ERICH1: variants seen among roughly 807,000 people sequenced by gnomAD.
ERICH1 encodes the protein glutamate rich 1, also known as glutamate-rich protein 1.
In ERICH1, 56 loss-of-function variants were observed where a neutral mutation model predicts 39.6. The observed-to-expected ratio is 1.41, with a 90% CI of 1.14 to 1.77. The LOEUF is 1.77. Among genes scored for constraint, ERICH1 ranks in the 40% most tolerant of loss-of-function variants. The pLI is 0.00. For missense variants in ERICH1, 826 were observed against 575.4 expected, an observed-to-expected ratio of 1.44 and a Z score of -4.45; for synonymous variants, 313 against 223.6, an observed-to-expected ratio of 1.40 and a Z score of -3.57.
At position 664,217 on chromosome 8, in the gene ERICH1, T is replaced by C; in HGVS notation, c.*386A>G. On this transcript the variant is annotated 3_prime_UTR_variant, in exon 6 of 6. Coordinates refer to ENST00000262109, the MANE Select transcript of ERICH1 (RefSeq NM_207332.3). ...ATTCAAACTACTTAAACTAGAACAT[T>C]TTAATACCCAGAAAGCATTCTTAAA... 1 of 990,632 alleles carries C rather than the reference T, an allele frequency of 1.0e-6. No homozygotes were observed. Among genetic ancestry groups the C allele is most frequent in the South Asian group, 4.6e-5 (1 of 21,528 alleles). 61.4% of individuals were successfully genotyped at this position (990,632 alleles called of 1,614,324 possible).
intron 2 of ERICH1, among the ~76,000 whole-genome samples, chr8:711,998 CTA>C (rs1438308923): frequency 1.3e-5 from 2 of 152,198 alleles, no homozygotes; most frequent in Non-Finnish European, 2.9e-5. Context: ...TCCCATTAAT[CTA>C]TGTGTCTACT....
chr8:623,180 T>A (rs369786868), intron 3 of ERICH1, among the ~76,000 whole-genome samples: 1 of 152,042 alleles, frequency 6.6e-6, no homozygotes, highest in African/African-American at 2.4e-5. Flanking sequence ...CTTAAAACAA[T>A]GCATAAATGG....
chr8:618,768 T>C (rs752757859), intron 3 of ERICH1, among the ~76,000 whole-genome samples: 17 of 152,142 alleles, frequency 1.1e-4, no homozygotes, highest in African/African-American at 3.4e-4. Context: ...CCCTGCTATG[T>C]GTAATCTTAA....
chr8:634,776 C>T (rs1798296052), intron 3 of ERICH1, among the ~76,000 whole-genome samples: 1 of 152,232 alleles, frequency 6.6e-6, no homozygotes, highest in African/African-American at 2.4e-5. Context: ...AGCCTCTGCA[C>T]TTCCAAACCC....
At chr8:716,412 G>A (rs1816009777) in intron 1 of ERICH1, among the ~76,000 whole-genome samples, 1 of 152,244 alleles carries the variant, frequency 6.6e-6, no homozygotes, top group South Asian at 2.1e-4. Context: ...GGCCCACAGT[G>A]CTTGGAGCCA....
chr8:644,706 A>C (rs1319032038), intron 3 of ERICH1, among the ~76,000 whole-genome samples: 1 of 67,988 alleles, frequency 1.5e-5, no homozygotes, highest in African/African-American at 3.7e-5. Flanking sequence ...TGGTCTTAGG[A>C]GGAAAACATC....
chr8:703,517 C>T (rs1005524236), intron 2 of ERICH1, among the ~76,000 whole-genome samples: 13 of 152,088 alleles, frequency 8.5e-5, no homozygotes, highest in African/African-American at 2.2e-4. Context: ...CGTGGGAGAC[C>T]GGGACTCACT....
At chr8:670,295 T>C (rs1803003115) in intron 4 of ERICH1, among the ~76,000 whole-genome samples, 1 of 152,116 alleles carries the variant, frequency 6.6e-6, no homozygotes, top group Admixed American at 6.6e-5. Flanking sequence ...GCTCCTTATC[T>C]GATAACATCG....
At chr8:702,535 GAA>G (rs964068710) in intron 2 of ERICH1, among the ~76,000 whole-genome samples, 4 of 152,194 alleles carry the variant, frequency 2.6e-5, no homozygotes, top group Non-Finnish European at 1.5e-5. Flanking sequence ...AGCCAAGACG[GAA>G]AAGTCTTGAA....
chr8:652,396 G>A (rs560659277), intron 3 of ERICH1, among the ~76,000 whole-genome samples: 1 of 152,246 alleles, frequency 6.6e-6, no homozygotes, highest in Non-Finnish European at 1.5e-5. Context: ...CCCGACCGTT[G>A]TTGGCTGCTG....
At chr8:622,939 C>A (rs1192084044) in intron 3 of ERICH1, among the ~76,000 whole-genome samples, 1 of 131,674 alleles carries the variant, frequency 7.6e-6, no homozygotes, top group African/African-American at 2.9e-5. Context: ...ACCTGGGCAA[C>A]AGAGGAGATC....
chr8:693,869 G>A (rs2132085005), intron 2 of ERICH1, among the ~76,000 whole-genome samples: 1 of 152,372 alleles, frequency 6.6e-6, no homozygotes, highest in Admixed American at 6.5e-5. Flanking sequence ...TCCTGCACAG[G>A]GATCTGCTGG....
Position 615,081 on chromosome 8 carries a change from C to G in ERICH1, c.*142G>C, listed in dbSNP as rs149111414. On this transcript the variant is annotated 3_prime_UTR_variant, in exon 4 of 4. Transcript: ENST00000522706. ...CCTGTACCCATCGGCCACTGAAGAT[C>G]TCAGCTCTCGTCAGCCTTGCAAAGC... 537 of 590,814 alleles carry G rather than the reference C, an allele frequency of 9.1e-4. 5 individuals are homozygous for G. The African/African-American group carries it at 9.2e-3, about 10-fold the overall frequency. 36.6% of individuals were successfully genotyped at this position (590,814 alleles called of 1,614,324 possible).
intron 3 of ERICH1, chr8:656,840 C>A: frequency 1.0e-6 from 1 of 985,392 alleles, no homozygotes; most frequent in Non-Finnish European, 1.2e-6. Flanking sequence ...CCCGGGGAGC[C>A]CCCCAGCATG....
intron 2 of ERICH1, among the ~76,000 whole-genome samples, chr8:699,115 A>T (rs74632183): frequency 0.022 from 3,326 of 152,028 alleles, 121 homozygotes; most frequent in African/African-American, 0.076. Context: ...ACCCTGTCTC[A>T]AAAAACCCCC....
intron 3 of ERICH1, among the ~76,000 whole-genome samples, chr8:631,721 T>C (rs900391011): frequency 7.0e-4 from 107 of 152,158 alleles, no homozygotes; most frequent in Non-Finnish European, 8.2e-4. Context: ...CGCTTCACAC[T>C]GGTGCAGCCG....
rs761872650 is a variant in ERICH1, at chr8:731,164, G to T, written c.-3C>A. 2 of 1,509,806 alleles carry T rather than the reference G, an allele frequency of 1.3e-6. No homozygotes were observed. Among genetic ancestry groups the T allele is most frequent in the Non-Finnish European group, 1.8e-6 (2 of 1,131,344 alleles). The allele number at this position is 1,509,806 out of a possible 1,614,324, so 93.5% of individuals were successfully genotyped here. On this transcript the variant is annotated 5_prime_UTR_variant, in exon 1 of 6. Coordinates refer to ENST00000262109, the MANE Select transcript of ERICH1 (RefSeq NM_207332.3). The stretch of plus-strand genomic sequence containing the variant: ...CCGTGCTTCCTGTGCGCCGCCATGC[G>T]GGACCCTGCCGCGGACCTCAGACCA...
intron 1 of ERICH1, among the ~76,000 whole-genome samples, chr8:729,096 C>G (rs998212544): frequency 2.0e-5 from 3 of 152,192 alleles, no homozygotes; most frequent in Non-Finnish European, 2.9e-5. Context: ...CAGAGCTTCA[C>G]TTAGCTCGGG....
At chr8:698,653 T>C (rs1350349174) in intron 2 of ERICH1, among the ~76,000 whole-genome samples, 1 of 152,200 alleles carries the variant, frequency 6.6e-6, no homozygotes, top group Non-Finnish European at 1.5e-5. Flanking sequence ...TCTCACTCTG[T>C]TGCACAGGTT....
Sources: allele counts gnomAD v4.1 joint callset (sites outside exome capture counted in the v4.1 genomes callset), GRCh38; gene constraint gnomAD v4.1.1; transcripts MANE v1.5; gene names NCBI Gene and HGNC (gene_info 2026-07-23, HGNC 2026-07-21).